LINGO2: variants seen among roughly 807,000 people sequenced by gnomAD.
LINGO2 encodes the protein leucine rich repeat and Ig domain containing 2, also known as leucine-rich repeat and immunoglobulin-like domain-containing nogo receptor-interacting protein 2.
A neutral mutation model predicts 30.6 loss-of-function variants in LINGO2; 14 were observed. The ratio of observed to expected loss-of-function variants is 0.46; its 90% CI spans 0.30 to 0.72. The LOEUF (loss-of-function observed/expected upper bound fraction) is 0.72, where lower values mean the gene tolerates loss of function less well. LINGO2 is among the 30% of genes least tolerant of loss of function. The pLI, the probability that LINGO2 is intolerant of heterozygous loss-of-function variation, is 0.07. For synonymous variants in LINGO2, 317 were observed against 288.5 expected, an observed-to-expected ratio of 1.10 and a Z score of -1.00; for missense variants, 729 against 751.7, an observed-to-expected ratio of 0.97 and a Z score of 0.35.
chr9:28,536,442 A>T (rs960909371), intron 1 of LINGO2, among the ~76,000 whole-genome samples: 2 of 152,128 alleles, frequency 1.3e-5, no homozygotes, highest in African/African-American at 4.8e-5. Flanking sequence ...CTGCAAAAAT[A>T]TAGCTGCCAT....
At chr9:29,190,212 T>G in the LINGO2 span, among the ~76,000 whole-genome samples, 1 of 152,302 alleles carries the variant, frequency 6.6e-6, no homozygotes, top group South Asian at 2.1e-4. Flanking sequence ...ATCTAGAGAT[T>G]TTTAGCACAA....
At chr9:28,811,678 C>T in the LINGO2 span, among the ~76,000 whole-genome samples, 1 of 152,026 alleles carries the variant, frequency 6.6e-6, no homozygotes, top group Admixed American at 6.6e-5. Flanking sequence ...CCAGTGACTG[C>T]TTTGTTATCA....
chr9:27,940,291 T>G, the LINGO2 span: 1 of 152,198 alleles, frequency 6.6e-6, no homozygotes, highest in Non-Finnish European at 1.5e-5. Context: ...AAACAATACC[T>G]GCATAGCTGT....
At chr9:28,362,204 T>TTG (rs112576497) in intron 3 of LINGO2, among the ~76,000 whole-genome samples, 9 of 125,612 alleles carry the variant, frequency 7.2e-5, no homozygotes, top group South Asian at 2.6e-4. Flanking sequence ...ATGGTGTAAA[T>TTG]TGTGTGTGTA....
the LINGO2 span, among the ~76,000 whole-genome samples, chr9:29,178,919 G>A: frequency 6.6e-6 from 1 of 151,686 alleles, no homozygotes; most frequent in Non-Finnish European, 1.5e-5. Context: ...TTGAACCCTG[G>A]AGTTTCAGGC....
the LINGO2 span, among the ~76,000 whole-genome samples, chr9:29,187,530 T>C: frequency 3.6e-4 from 55 of 152,328 alleles, no homozygotes; most frequent in African/African-American, 1.3e-3. Flanking sequence ...AGTTCCAAAT[T>C]AGAAACATAA....
intron 4 of LINGO2, among the ~76,000 whole-genome samples, chr9:28,062,693 A>C (rs1462572481): frequency 7.0e-6 from 1 of 142,914 alleles, no homozygotes; most frequent in South Asian, 2.2e-4. Flanking sequence ...TATTTTGTAT[A>C]TATATATACA....
the LINGO2 span, among the ~76,000 whole-genome samples, chr9:29,097,287 G>A: frequency 7.4e-6 from 1 of 135,704 alleles, no homozygotes; most frequent in African/African-American, 2.7e-5. Flanking sequence ...CTATTTCAGT[G>A]GAAATGGAAG....
At chr9:28,775,529 T>G in the LINGO2 span, among the ~76,000 whole-genome samples, 1 of 152,174 alleles carries the variant, frequency 6.6e-6, no homozygotes, top group Admixed American at 6.5e-5. Flanking sequence ...ATGTTCTAGA[T>G]GCCATGGGAA....
At chr9:28,992,035 T>C in the LINGO2 span, among the ~76,000 whole-genome samples, 1 of 152,120 alleles carries the variant, frequency 6.6e-6, no homozygotes, top group African/African-American at 2.4e-5. Context: ...TAAATGTAAA[T>C]GGACTAAATG....
the LINGO2 span, among the ~76,000 whole-genome samples, chr9:28,742,281 T>TTA: frequency 0.92 from 134,678 of 147,110 alleles, 61,861 homozygotes; most frequent in East Asian, 0.97. Flanking sequence ...TTTTTTTTTT[T>TTA]AATTTCTGCA....
chr9:28,795,348 A>G, the LINGO2 span, among the ~76,000 whole-genome samples: 1 of 152,308 alleles, frequency 6.6e-6, no homozygotes, highest in African/African-American at 2.4e-5. Context: ...ATTCAATTTG[A>G]CAGTCTTGTA....
the LINGO2 span, among the ~76,000 whole-genome samples, chr9:28,938,857 T>C: frequency 6.6e-6 from 1 of 152,300 alleles, no homozygotes; most frequent in South Asian, 2.1e-4. Context: ...CTATTTCTCA[T>C]ATCTATGATT....
intron 4 of LINGO2, among the ~76,000 whole-genome samples, chr9:28,231,852 A>G (rs1821367177): frequency 6.6e-6 from 1 of 152,108 alleles, no homozygotes; most frequent in African/African-American, 2.4e-5. Flanking sequence ...GATAAAAAAT[A>G]TCCTGATTGC....
At chr9:28,860,309 A>C in the LINGO2 span, among the ~76,000 whole-genome samples, 1 of 152,100 alleles carries the variant, frequency 6.6e-6, no homozygotes, top group Non-Finnish European at 1.5e-5. Flanking sequence ...ATAACATCAA[A>C]ATTGGTACCC....
At chr9:28,808,126 A>G in the LINGO2 span, among the ~76,000 whole-genome samples, 4 of 152,154 alleles carry the variant, frequency 2.6e-5, no homozygotes, top group African/African-American at 9.6e-5. Context: ...TTTTCTCTCA[A>G]TGCCATTTCA....
intron 4 of LINGO2, among the ~76,000 whole-genome samples, chr9:28,027,869 T>C: frequency 6.6e-6 from 1 of 152,132 alleles, no homozygotes; most frequent in East Asian, 1.9e-4. Context: ...GCCATAAATT[T>C]TTGCCTCAAT....
the LINGO2 span, among the ~76,000 whole-genome samples, chr9:28,968,204 C>A: frequency 2.6e-5 from 4 of 152,114 alleles, no homozygotes; most frequent in Admixed American, 2.6e-4. Flanking sequence ...AATAATTAAA[C>A]AGATCTTTTA....
At chr9:28,120,039 T>C (rs556530070) in intron 4 of LINGO2, among the ~76,000 whole-genome samples, 11 of 152,164 alleles carry the variant, frequency 7.2e-5, no homozygotes, top group East Asian at 1.9e-4. Flanking sequence ...CTATGAGCTA[T>C]ACTTAAATTT....
Sources: allele counts gnomAD v4.1 joint callset (sites outside exome capture counted in the v4.1 genomes callset), GRCh38; gene constraint gnomAD v4.1.1; transcripts MANE v1.5; gene names NCBI Gene and HGNC (gene_info 2026-07-23, HGNC 2026-07-21).